CPNE3: variants seen among roughly 807,000 people sequenced by gnomAD.
CPNE3 encodes copine 3.
A neutral mutation model predicts 63.9 loss-of-function variants in CPNE3; 68 were observed. That is an observed-to-expected ratio of 1.06 (90% CI 0.87 to 1.30). The LOEUF (loss-of-function observed/expected upper bound fraction) is 1.30, where lower values mean the gene tolerates loss of function less well. Ranked by LOEUF, CPNE3 falls within the 50% of genes most tolerant of loss-of-function variation. CPNE3 has a pLI of 0.00. For missense variants in CPNE3, 665 were observed against 578.1 expected, an observed-to-expected ratio of 1.15 and a Z score of -1.54; for synonymous variants, 219 against 197.5, an observed-to-expected ratio of 1.11 and a Z score of -0.91.
rs182297941 is a variant in CPNE3, at chr8:86,548,162, A to G, written c.880-139A>G. 3,746 of 790,314 alleles carry G rather than the reference A, an allele frequency of 4.7e-3. 16 individuals are homozygous for G. Among genetic ancestry groups the G allele is most frequent in the Non-Finnish European group, 6.7e-3 (3,358 of 502,042 alleles). 49.0% of individuals were successfully genotyped at this position (790,314 alleles called of 1,614,324 possible). A position where few individuals can be genotyped will look rare whatever the true frequency, so the allele number is the denominator to read the frequency against. Reference sequence around the variant, plus strand: ...TTAGGCTTTACTTGTTTAATTGTCTATGGAAATAGTGGTAGGCATTTGTTA... The same window carrying G: ...TTAGGCTTTACTTGTTTAATTGTCTGTGGAAATAGTGGTAGGCATTTGTTA... On this transcript the variant is annotated intron_variant, in intron 11 of 16. Transcript: ENST00000517490.
rs138613927 is a variant in CPNE3 at position 86,530,736 on chromosome 8, G to A, written c.313-419G>A. On this transcript the variant is annotated intron_variant, in intron 4 of 16. Transcript: ENST00000517490. ...GATGGACTCTCACTCTTGTTGCCCA[G>A]GCTGGAGTGCAACAGTGCGATCTTG... Among the ~76,000 whole-genome samples, 1,276 of 147,942 alleles carry A rather than the reference G, an allele frequency of 8.6e-3. 17 individuals are homozygous for A. The highest frequency in any genetic ancestry group is 0.06 in the East Asian group (302 of 5,058).
Position 86,541,945 on chromosome 8 carries a change from G to C in CPNE3, c.633+1611G>C, listed in dbSNP as rs185237528. On this transcript the variant is annotated intron_variant, in intron 8 of 16. Coordinates refer to ENST00000517490, the MANE Select transcript of CPNE3 (RefSeq NM_003909.5). ...AGTAAACATCATTAGATGTCAGAAG[G>C]CAGGTAAATCTAGGGGAAAATGTCT... Among the ~76,000 whole-genome samples the C allele has an allele frequency of 3.1e-3, 473 of 152,216 alleles. 2 individuals carry two copies. The highest frequency in any genetic ancestry group is 0.011 in the African/African-American group (452 of 41,540).
At position 86,539,660 on chromosome 8, in the gene CPNE3, G is replaced by GTTTTTTTTTTTTTTTTTTT. The variant is rs369540210; in HGVS notation, c.544-583_544-565dup. Among the ~76,000 whole-genome samples the GTTTTTTTTTTTTTTTTTTT allele has an allele frequency of 1.8e-5, 2 of 108,152 alleles. 1 individual carries two copies. The allele number at this position is 108,152 out of a possible 152,430, so 71.0% of individuals were successfully genotyped here. The stretch of plus-strand genomic sequence containing the variant: ...CTATTAAAATCAATAATCCTCCGCA[G>GTTTTTTTTTTTTTTTTTTT]TTTTTTTTTTTTTTTTTTTTGAGAC... On this transcript the variant is annotated intron_variant, in intron 7 of 16. Transcript: ENST00000517490.
In CPNE3 at chr8:86,556,332, C is replaced by T. The variant is rs759849984; in HGVS notation, c.1485C>T (p.Phe495=). The T allele has an allele frequency of 1.1e-6, 1 of 872,946 alleles. No homozygotes were observed. The highest frequency in any genetic ancestry group is 1.3e-5 in the South Asian group (1 of 76,538). 54.1% of individuals were successfully genotyped at this position (872,946 alleles called of 1,614,324 possible). A position where few individuals can be genotyped will look rare whatever the true frequency, so the allele number is the denominator to read the frequency against. The change falls in exon 16 of 17, where the codon TTC becomes TTT. Residue 495 remains phenylalanine (F), a synonymous_variant. Coordinates refer to ENST00000517490, the MANE Select transcript of CPNE3 (RefSeq NM_003909.5). ...TCCAGTTTGTGCCTTTCAGACAGTTCCAGAATGTGAGTACCACTCCTCCCT... is the reference window on the plus strand; with the variant it reads ...TCCAGTTTGTGCCTTTCAGACAGTTTCAGAATGTGAGTACCACTCCTCCCT... The part of the protein sequence containing the change: ...DIVQFVPFRQ[F]QNAPKEALAQ...
intron 2 of CPNE3, chr8:86,521,729 CT>C (rs34799127): frequency 1.4e-4 from 21 of 152,030 alleles, no homozygotes; most frequent in Admixed American, 6.6e-5. Flanking sequence ...GTAATTTAAC[CT>C]TTTTGAAGAA....
chr8:86,525,998 TC>T (rs1820533500), intron 2 of CPNE3, among the ~76,000 whole-genome samples: 1 of 152,168 alleles, frequency 6.6e-6, no homozygotes, highest in African/African-American at 2.4e-5. Flanking sequence ...TTGCATTATC[TC>T]CATTTTTACT....
intron 7 of CPNE3, among the ~76,000 whole-genome samples, chr8:86,537,851 A>T (rs779961827): frequency 4.6e-5 from 7 of 152,050 alleles, no homozygotes; most frequent in Admixed American, 3.3e-4. Flanking sequence ...AAAAATTTTA[A>T]GTCCTATAAA....
intron 4 of CPNE3, among the ~76,000 whole-genome samples, chr8:86,530,742 A>T (rs970896732): frequency 2.4e-4 from 35 of 143,850 alleles, no homozygotes; most frequent in Admixed American, 1.9e-3. Context: ...CCCAGGCTGG[A>T]GTGCAACAGT....
At chr8:86,552,144 C>A (rs1464253889) in intron 14 of CPNE3, among the ~76,000 whole-genome samples, 1 of 152,220 alleles carries the variant, frequency 6.6e-6, no homozygotes, top group Non-Finnish European at 1.5e-5. Context: ...AGACAATACT[C>A]TAATTTTCTG....
chr8:86,514,869 G>A (rs1586821064), intron 1 of CPNE3: 1 of 152,398 alleles, frequency 6.6e-6, no homozygotes, highest in Non-Finnish European at 1.5e-5. Context: ...GCTGGGGATA[G>A]GCTGGGATCC....
At chr8:86,529,266 G>A in intron 4 of CPNE3, 142 bp downstream of exon 4, 1 of 637,134 alleles carries the variant, frequency 1.6e-6, no homozygotes, top group Non-Finnish European at 2.6e-6. Context: ...TAATATGATT[G>A]GCTTGAACAT....
chr8:86,544,671 T>C, intron 8 of CPNE3, 69 bp from the exon 9 acceptor site: 1 of 740,362 alleles, frequency 1.4e-6, no homozygotes, highest in East Asian at 3.6e-5. Context: ...TAGGTTATAT[T>C]TATTGCAGCC....
chr8:86,558,501 CAGCATTTATGATGT>C lies in CPNE3; in HGVS notation c.*93_*106del. 4.8e-6 allele frequency: 4 copies of C among 828,326 alleles called. No individual in the cohort carries two copies. The South Asian group carries it at 5.4e-5, about 11-fold the overall frequency. 51.3% of individuals were successfully genotyped at this position (828,326 alleles called of 1,614,324 possible). A position where few individuals can be genotyped will look rare whatever the true frequency, so the allele number is the denominator to read the frequency against. On this transcript the variant is annotated 3_prime_UTR_variant, in exon 17 of 17. Coordinates refer to ENST00000517490, the MANE Select transcript of CPNE3 (RefSeq NM_003909.5). ...TGTCATTCTACGTACTTTTTACCCC[CAGCATTTATGATGT>C]AAATCTCTTTCTCTATGGATTATAT... is the stretch of plus-strand genomic sequence containing the variant.
At chr8:86,541,287 C>T (rs1381441777) in intron 8 of CPNE3, among the ~76,000 whole-genome samples, 1 of 152,156 alleles carries the variant, frequency 6.6e-6, no homozygotes, top group Non-Finnish European at 1.5e-5. Flanking sequence ...TAGGAAGCTT[C>T]ACCTGGATTC....
intron 7 of CPNE3, 65 bp downstream of exon 7, chr8:86,537,711 A>G (rs113937108): frequency 3.2e-5 from 30 of 938,960 alleles, no homozygotes; most frequent in African/African-American, 3.1e-4. Flanking sequence ...TCTGAATTTT[A>G]AAAAGCTTAT....
At chr8:86,521,597 T>G (rs1035322529) in intron 2 of CPNE3, 10 of 152,156 alleles carry the variant, frequency 6.6e-5, no homozygotes. Context: ...CTATTTTTAC[T>G]TGACAGCTAA....
intron 16 of CPNE3, among the ~76,000 whole-genome samples, chr8:86,557,503 C>G (rs1212268742): frequency 6.6e-6 from 1 of 152,150 alleles, no homozygotes; most frequent in South Asian, 2.1e-4. Context: ...ACTACAGTTG[C>G]TGGGTTATAC....
At chr8:86,528,755 A>G (rs1191739818) in intron 3 of CPNE3, 78 bp downstream of exon 3, 2 of 1,486,242 alleles carry the variant, frequency 1.3e-6, no homozygotes, top group Non-Finnish European at 1.8e-6. Flanking sequence ...AATGTTAAAA[A>G]TAACAACACT....
In CPNE3 at chr8:86,528,532, T is replaced by C. The variant is rs1429256264; in HGVS notation, c.-10-4T>C. The C allele has an allele frequency of 1.1e-5, 17 of 1,612,110 alleles. No homozygotes were observed. The highest frequency in any genetic ancestry group is 2.2e-5 in the South Asian group (2 of 90,568). Reference sequence around the variant, plus strand: ...TTGCTTTCTCTTTTTATTGGTTTTCTCAGAACTCAAGACATGGCTGCCCAG... The same window carrying C: ...TTGCTTTCTCTTTTTATTGGTTTTCCCAGAACTCAAGACATGGCTGCCCAG... On this transcript the variant is annotated splice_region_variant and splice_polypyrimidine_tract_variant and intron_variant, in intron 2 of 16. Coordinates refer to ENST00000517490, the MANE Select transcript of CPNE3 (RefSeq NM_003909.5).
Sources: allele counts gnomAD v4.1 joint callset (sites outside exome capture counted in the v4.1 genomes callset), GRCh38; gene constraint gnomAD v4.1.1; transcripts MANE v1.5; gene names NCBI Gene and HGNC (gene_info 2026-07-23, HGNC 2026-07-21).